Variants in MMP16 observed in about 807,000 individuals in gnomAD.
MMP16 encodes the protein matrix metallopeptidase 16, also known as matrix metalloproteinase-16.
MMP16 carries 12 observed loss-of-function variants against 67.8 expected under a neutral mutation model. The observed-to-expected ratio is 0.18, with a 90% CI of 0.11 to 0.29. The LOEUF (loss-of-function observed/expected upper bound fraction) is 0.29. Among genes scored for constraint, MMP16 ranks in the 10% least tolerant of loss-of-function variants. MMP16 has a pLI of 1.00. For missense variants in MMP16, 475 were observed against 765.7 expected (o/e 0.62, Z 4.48); for synonymous variants, 249 against 255.9 (o/e 0.97, Z 0.26).
intron 4 of MMP16, among the ~76,000 whole-genome samples, chr8:88,129,604 T>C (rs938420926): frequency 6.6e-6 from 1 of 151,594 alleles, no homozygotes. Flanking sequence ...AAAGAAAAGG[T>C]TGTTTTTTCT....
At chr8:88,208,404 T>C (rs1809461933) in intron 1 of MMP16, among the ~76,000 whole-genome samples, 2 of 152,224 alleles carry the variant, frequency 1.3e-5, no homozygotes, top group South Asian at 4.1e-4. Flanking sequence ...AGGAAGTACC[T>C]TGCCAGTAAG....
intron 1 of MMP16, among the ~76,000 whole-genome samples, chr8:88,317,609 G>A (rs1419176824): frequency 6.6e-6 from 1 of 152,100 alleles, no homozygotes; most frequent in East Asian, 1.9e-4. Flanking sequence ...TCTGAGGTAT[G>A]TTTTTACTTC....
intron 4 of MMP16, among the ~76,000 whole-genome samples, chr8:88,165,096 A>T (rs1026951305): frequency 1.3e-5 from 2 of 150,958 alleles, no homozygotes; most frequent in Non-Finnish European, 3.0e-5. Context: ...TAATTCCAGC[A>T]ACTCAGGAAG....
intron 1 of MMP16, 161 bp downstream of exon 1, chr8:88,326,914 C>T: frequency 1.2e-6 from 1 of 829,832 alleles, no homozygotes; most frequent in South Asian, 1.8e-5. Flanking sequence ...GCATCCGTCA[C>T]CTAAAACACC....
intron 8 of MMP16, among the ~76,000 whole-genome samples, chr8:88,048,815 C>A (rs1434575801): frequency 6.6e-6 from 1 of 152,146 alleles, no homozygotes; most frequent in Non-Finnish European, 1.5e-5. Flanking sequence ...AAAAAATTAT[C>A]TTTGACTTAG....
At chr8:88,082,443 C>A (rs73287021) in intron 6 of MMP16, among the ~76,000 whole-genome samples, 2 of 152,152 alleles carry the variant, frequency 1.3e-5, no homozygotes, top group East Asian at 1.9e-4. Flanking sequence ...TAAGATACAA[C>A]CTCCCAAATA....
intron 1 of MMP16, among the ~76,000 whole-genome samples, chr8:88,211,140 A>G (rs538593589): frequency 6.0e-5 from 9 of 149,870 alleles, no homozygotes; most frequent in East Asian, 4.0e-4. Flanking sequence ...CCTTTACTAC[A>G]TAAGATTAAG....
rs749473846 is a variant in MMP16 at position 88,041,505 on chromosome 8, G to T, written c.1780C>A (p.Arg594Ser). 3 of 1,612,536 alleles carry T rather than the reference G, an allele frequency of 1.9e-6. No individual in the cohort carries two copies. In the South Asian group the frequency reaches 3.3e-5, roughly 18 times the overall value. Reference sequence around the variant, plus strand: ...GAGCGTTTACAGTACAGTATGTGGCGGGGTGTTCCTTTCCTCTTGAACTGG... The same window carrying T: ...GAGCGTTTACAGTACAGTATGTGGCTGGGTGTTCCTTTCCTCTTGAACTGG... ...VFQFKRKGTP[R>S]HILYCKRSMQ... The change falls in exon 10 of 10, where the codon CGC (arginine) becomes AGC (serine). Residue 594 changes from arginine to serine, a missense_variant. By Grantham distance (110) the Arg-to-Ser change is moderately radical. Transcript: ENST00000286614. The surrounding 1 kb of genome is among the most constrained non-coding windows in gnomAD (Gnocchi z 6.0).
intron 1 of MMP16, among the ~76,000 whole-genome samples, chr8:88,261,706 T>C (rs1192352672): frequency 6.6e-6 from 1 of 151,866 alleles, no homozygotes; most frequent in Admixed American, 6.6e-5. Flanking sequence ...TATATACATA[T>C]ACATATGTAC....
rs917918834 is a variant in MMP16, at chr8:88,058,838, C to A, written c.1223-2560G>T. Reference sequence around the variant, plus strand: ...ATAGGAAGTCATTGAACAGTTAAATCAAAAAGTTCTTTGACAGTGGTTTGG... The same window carrying A: ...ATAGGAAGTCATTGAACAGTTAAATAAAAAAGTTCTTTGACAGTGGTTTGG... On this transcript the variant is annotated intron_variant, in intron 7 of 9. Coordinates refer to ENST00000286614, the MANE Select transcript of MMP16 (RefSeq NM_005941.5). This position sits in a 1 kb window ranked among gnomAD's most constrained non-coding sequence, Gnocchi z 4.2. Among the ~76,000 whole-genome samples the A allele has an allele frequency of 1.3e-5, 2 of 151,866 alleles. No homozygotes were observed. The highest frequency in any genetic ancestry group is 3.9e-4 in the East Asian group (2 of 5,170).
intron 4 of MMP16, among the ~76,000 whole-genome samples, chr8:88,154,484 T>C (rs1161764276): frequency 2.0e-5 from 3 of 148,896 alleles, no homozygotes; most frequent in South Asian, 2.1e-4. Flanking sequence ...CCAACAATGA[T>C]AGACTGGATT....
chr8:88,075,337 T>C (rs955454284), intron 6 of MMP16, among the ~76,000 whole-genome samples: 1 of 152,206 alleles, frequency 6.6e-6, no homozygotes, highest in Non-Finnish European at 1.5e-5. Flanking sequence ...TTAATTGCCT[T>C]TCCTATCTGC....
intron 6 of MMP16, among the ~76,000 whole-genome samples, chr8:88,096,471 G>T (rs933825908): frequency 6.6e-6 from 1 of 151,978 alleles, no homozygotes; most frequent in East Asian, 1.9e-4. Context: ...ACAAAGTTGA[G>T]GACTGTATTT....
chr8:88,138,164 C>T (rs1280338153), intron 4 of MMP16, among the ~76,000 whole-genome samples: 2 of 151,840 alleles, frequency 1.3e-5, no homozygotes, highest in Admixed American at 6.6e-5. Context: ...AGTGTGCATA[C>T]ATATTGGGGA....
rs79637940 is a variant in MMP16 at position 88,158,492 on chromosome 8, C to T, written c.709+9177G>A. On this transcript the variant is annotated intron_variant, in intron 4 of 9. Transcript: ENST00000286614. Reference sequence around the variant, plus strand: ...CTTTTGAGAAGTGTCGATTCATATCCTTTGCCCACTTTTTGATGGGGTTGT... The same window carrying T: ...CTTTTGAGAAGTGTCGATTCATATCTTTTGCCCACTTTTTGATGGGGTTGT... 3.4e-3 allele frequency among the ~76,000 whole-genome samples: 517 copies of T among 152,220 alleles called. 1 individual carries two copies. The highest frequency in any genetic ancestry group is 4.2e-3 in the Non-Finnish European group (287 of 68,002).
At chr8:88,096,936 A>T (rs1346993012) in intron 6 of MMP16, among the ~76,000 whole-genome samples, 2 of 151,924 alleles carry the variant, frequency 1.3e-5, no homozygotes, top group Non-Finnish European at 2.9e-5. Flanking sequence ...GATTTCTCTC[A>T]ATCTCTAACA....
At chr8:88,086,809 T>C (rs1434652538) in intron 6 of MMP16, among the ~76,000 whole-genome samples, 1 of 151,910 alleles carries the variant, frequency 6.6e-6, no homozygotes, top group Non-Finnish European at 1.5e-5. Flanking sequence ...TTATATTTTC[T>C]TCACAATATC....
At chr8:88,193,909 T>A (rs1014028169) in intron 2 of MMP16, among the ~76,000 whole-genome samples, 4 of 151,846 alleles carry the variant, frequency 2.6e-5, no homozygotes, top group Non-Finnish European at 4.4e-5. Context: ...ATATATATAT[T>A]TTATGTATAA....
At chr8:88,114,332 C>T (rs946842983) in intron 6 of MMP16, among the ~76,000 whole-genome samples, 4 of 151,770 alleles carry the variant, frequency 2.6e-5, no homozygotes, top group Non-Finnish European at 5.9e-5. Flanking sequence ...CTTTAACATG[C>T]CTAGAAATTT....
Sources: allele counts gnomAD v4.1 joint callset (sites outside exome capture counted in the v4.1 genomes callset), GRCh38; gene constraint gnomAD v4.1.1; non-coding constraint Gnocchi (gnomAD v3.1); transcripts MANE v1.5; gene names NCBI Gene and HGNC (gene_info 2026-07-23, HGNC 2026-07-21).